ACSL5: variants seen among roughly 807,000 people sequenced by gnomAD.
ACSL5 encodes long-chain-fatty-acid--CoA ligase 5.
Under a neutral mutation model 84.9 loss-of-function variants are expected in ACSL5, and 50 were observed. That is an observed-to-expected ratio of 0.59 (90% CI 0.47 to 0.75). The LOEUF (loss-of-function observed/expected upper bound fraction) is 0.75. ACSL5 is among the 30% of genes least tolerant of loss of function. ACSL5 has a pLI of 0.00. For missense variants in ACSL5, 775 were observed against 830.4 expected, an observed-to-expected ratio of 0.93 and a Z score of 0.82; for synonymous variants, 280 against 300.7, an observed-to-expected ratio of 0.93 and a Z score of 0.71.
chr10:112,426,474 G>C (rs997774632), intron 19 of ACSL5, 115 bp downstream of exon 19: 2 of 818,570 alleles, frequency 2.4e-6, no homozygotes, highest in African/African-American at 3.4e-5. Context: ...AGACTGAATA[G>C]TTTTATGGGA....
chr10:112,426,460 A>G (rs1453560157), intron 19 of ACSL5, 101 bp downstream of exon 19: 15 of 944,032 alleles, frequency 1.6e-5, no homozygotes, highest in Non-Finnish European at 2.5e-5. Flanking sequence ...GCTGCAGCCC[A>G]AACAGACTGA....
In ACSL5 at chr10:112,425,346, T is replaced by G; in HGVS notation, c.1602T>G (p.Thr534=). 6.2e-7 allele frequency: 1 copy of G among 1,612,238 alleles called. No homozygotes were observed. The highest frequency in any genetic ancestry group is 8.5e-7 in the Non-Finnish European group (1 of 1,179,184). Residue 534 remains threonine, a synonymous_variant, in exon 18 of 21, where the codon ACT becomes ACG. Coordinates refer to ENST00000354655, the MANE Select transcript of ACSL5 (RefSeq NM_203379.2). Reference sequence around the variant, plus strand: ...TTATCTGTCTCATGTAGAATGGAACTCTGAAGATCATCGACCGTAAAAAGA... The same window carrying G: ...TTATCTGTCTCATGTAGAATGGAACGCTGAAGATCATCGACCGTAAAAAGA... ...GDIGRWLPNG[T]LKIIDRKKNI...
At chr10:112,391,336 C>G (rs1408287698) in intron 1 of ACSL5, among the ~76,000 whole-genome samples, 1 of 150,808 alleles carries the variant, frequency 6.6e-6, no homozygotes, top group Non-Finnish European at 1.5e-5. Context: ...TACCACTGCA[C>G]TCCAGCTGGG....
At chr10:112,381,152 G>A (rs1024405994) in intron 1 of ACSL5, among the ~76,000 whole-genome samples, 1 of 152,120 alleles carries the variant, frequency 6.6e-6, no homozygotes, top group African/African-American at 2.4e-5. Flanking sequence ...AGGTTCTAGT[G>A]TTCCATACAG....
Position 112,426,344 on chromosome 10 carries a change from A to T in ACSL5, c.1824A>T (p.Glu608Asp). ...AKLGVKGSFE[E>D]LCQNQVVREA... The stretch of plus-strand genomic sequence containing the variant: ...TTGGGGTGAAGGGCTCCTTTGAGGA[A>T]CTGTGCCAAAACCAAGTAAGTCTTG... Residue 608 changes from glutamate to aspartate, a missense_variant, in exon 19 of 21, where the codon GAA becomes GAT. Coordinates refer to ENST00000354655, the MANE Select transcript of ACSL5 (RefSeq NM_203379.2). 1 of 1,613,998 alleles carries T rather than the reference A, an allele frequency of 6.2e-7. No homozygotes were observed. The highest frequency in any genetic ancestry group is 1.3e-5 in the African/African-American group (1 of 75,012).
chr10:112,396,948 C>T (rs1347589554), intron 2 of ACSL5, among the ~76,000 whole-genome samples: 1 of 152,146 alleles, frequency 6.6e-6, no homozygotes, highest in Non-Finnish European at 1.5e-5. Flanking sequence ...GTTACATCCT[C>T]GTGTGTTTTC....
At chr10:112,426,000 C>T (rs1044052983) in intron 18 of ACSL5, among the ~76,000 whole-genome samples, 3 of 152,156 alleles carry the variant, frequency 2.0e-5, no homozygotes, top group African/African-American at 7.2e-5. Context: ...TTGACATGGA[C>T]AAGCCAGAGG....
chr10:112,426,626 C>T, intron 19 of ACSL5, 162 bp from the exon 20 acceptor site: 1 of 661,360 alleles, frequency 1.5e-6, no homozygotes, highest in South Asian at 2.0e-5. Flanking sequence ...GCCTTTTCTT[C>T]TCAGTTTTTC....
intron 16 of ACSL5, 56 bp from the exon 17 acceptor site, chr10:112,422,269 C>A: frequency 6.8e-7 from 1 of 1,470,812 alleles, no homozygotes; most frequent in Non-Finnish European, 9.4e-7. Flanking sequence ...ATAAACTGCC[C>A]ACGCTGGGAG....
intron 10 of ACSL5, 96 bp downstream of exon 10, chr10:112,411,625 C>A: frequency 1.3e-6 from 1 of 795,110 alleles, no homozygotes; most frequent in Non-Finnish European, 1.9e-6. Flanking sequence ...CACACACACA[C>A]ATACACACAC....
intron 3 of ACSL5, among the ~76,000 whole-genome samples, chr10:112,403,933 A>G: frequency 6.6e-6 from 1 of 152,208 alleles, no homozygotes; most frequent in African/African-American, 2.4e-5. Context: ...AATGACATGA[A>G]AATACTTAGG....
At chr10:112,388,387 C>A (rs1289041601) in intron 1 of ACSL5, among the ~76,000 whole-genome samples, 2 of 152,192 alleles carry the variant, frequency 1.3e-5, no homozygotes, top group African/African-American at 2.4e-5. Context: ...CAGCCACCAT[C>A]CCTATCCAAT....
Position 112,427,347 on chromosome 10 carries a change from A to C in ACSL5, c.2041A>C (p.Ile681Leu). The C allele has an allele frequency of 6.2e-7, 1 of 1,612,764 alleles. No homozygotes were observed. The highest frequency in any genetic ancestry group is 1.1e-5 in the South Asian group (1 of 90,712). Reference sequence around the variant, plus strand: ...CCAAATTGACAGCCTGTATGAGCACATCCAGGATTAGGATAAGGTACTTAA... The same window carrying C: ...CCAAATTGACAGCCTGTATGAGCACCTCCAGGATTAGGATAAGGTACTTAA... The part of the protein sequence containing the change: ...RTQIDSLYEH[I>L]QD Residue 681 changes from isoleucine to leucine, a missense_variant, in exon 21 of 21, where the codon ATC (isoleucine) becomes CTC (leucine). By Grantham distance (5) the Ile-to-Leu change is conservative (BLOSUM62 2). Transcript: ENST00000354655.
intron 17 of ACSL5, 104 bp from the exon 18 acceptor site, chr10:112,425,234 G>A: frequency 9.3e-7 from 1 of 1,070,982 alleles, no homozygotes; most frequent in South Asian, 1.8e-5. Flanking sequence ...AGTCTCTGGA[G>A]AAATCAGCTT....
intron 1 of ACSL5, among the ~76,000 whole-genome samples, chr10:112,379,697 G>A (rs2133559568): frequency 6.6e-6 from 1 of 152,252 alleles, no homozygotes. Context: ...GCGGGGAACT[G>A]ATGCTCAGTG....
At position 112,421,145 on chromosome 10, in the gene ACSL5, T is replaced by C. The variant is rs553430953; in HGVS notation, c.1315-448T>C. Among the ~76,000 whole-genome samples, 5 of 152,170 alleles carry C rather than the reference T, an allele frequency of 3.3e-5. No individual in the cohort carries two copies. In the East Asian group the frequency reaches 9.7e-4, roughly 30 times the overall value. On this transcript the variant is annotated intron_variant, in intron 14 of 20. Transcript: ENST00000354655. ...GCTTGGGTATGAGTTCAAGGTTTTT[T>C]GTTTGTTCGTTTGTTTGTTTGTTTG... is the stretch of plus-strand genomic sequence containing the variant.
At chr10:112,376,313 G>C (rs765690950) in intron 1 of ACSL5, 21 of 1,614,166 alleles carry the variant, frequency 1.3e-5, no homozygotes, top group Non-Finnish European at 1.8e-5. Context: ...TGCCTGCATG[G>C]ACGCTCTGAA....
chr10:112,376,127 G>A (rs762097755), intron 1 of ACSL5: 88 of 798,498 alleles, frequency 1.1e-4, no homozygotes, highest in Non-Finnish European at 1.6e-4. Context: ...TTGACACGGA[G>A]CCAGGGTAGC....
chr10:112,389,792 G>A (rs565523041), intron 1 of ACSL5, among the ~76,000 whole-genome samples: 14 of 152,176 alleles, frequency 9.2e-5, no homozygotes, highest in African/African-American at 1.2e-4. Context: ...TACTCCTGTC[G>A]TGGTTTGACC....
Sources: allele counts gnomAD v4.1 joint callset (sites outside exome capture counted in the v4.1 genomes callset), GRCh38; gene constraint gnomAD v4.1.1; transcripts MANE v1.5; gene names NCBI Gene and HGNC (gene_info 2026-07-23, HGNC 2026-07-21).